Variants in SERPINA10 observed in about 807,000 individuals in gnomAD.
The protein encoded by SERPINA10 is serpin family A member 10.
In SERPINA10, 24 loss-of-function variants were observed where a neutral mutation model predicts 28.0. That is an observed-to-expected ratio of 0.86 (90% CI 0.62 to 1.20). The LOEUF (loss-of-function observed/expected upper bound fraction) is 1.20. SERPINA10 is among the 50% of genes most tolerant of loss of function. The probability of loss-of-function intolerance (pLI) is 0.00; values close to 1 mark genes in which losing one functional copy is unlikely to be tolerated. For missense variants in SERPINA10, 521 were observed against 537.7 expected, an observed-to-expected ratio of 0.97 and a Z score of 0.31; for synonymous variants, 207 against 203.9, an observed-to-expected ratio of 1.02 and a Z score of -0.13.
At chr14:94,292,987 C>G (rs963397288) in intron 1 of SERPINA10, 2 of 363,886 alleles carry the variant, frequency 5.5e-6, no homozygotes, top group Non-Finnish European at 1.0e-5. Flanking sequence ...TGCAGAGGAG[C>G]CCCTTGTGTC....
At chr14:94,288,028 C>G (rs1895065796) in intron 3 of SERPINA10, among the ~76,000 whole-genome samples, 1 of 152,120 alleles carries the variant, frequency 6.6e-6, no homozygotes, top group South Asian at 2.1e-4. Context: ...GTTTTGTTTG[C>G]TGATGGATCC....
intron 2 of SERPINA10, among the ~76,000 whole-genome samples, chr14:94,289,155 G>C (rs192326877): frequency 2.6e-5 from 4 of 152,158 alleles, no homozygotes; most frequent in East Asian, 1.9e-4. Flanking sequence ...TTCCCCTGCC[G>C]GGGCTTTGTA....
intron 4 of SERPINA10, 70 bp downstream of exon 4, chr14:94,286,038 G>C (rs1012039250): frequency 1.9e-6 from 3 of 1,570,186 alleles, no homozygotes; most frequent in Non-Finnish European, 1.8e-6. Context: ...AAGTTAAATG[G>C]TTTGTAAAAG....
rs538270502 is a variant in SERPINA10, at chr14:94,290,570, CAGG to C, written c.21_23del (p.Leu9del). ...ACACCTGTGCCAGGAGGACGGAGAG[CAGG>C]AGACTTGGCACCACCTTCATGTGAT... On this transcript the variant is annotated inframe_deletion, in exon 2 of 5. Transcript: ENST00000261994. 949 of 1,613,674 alleles carry C rather than the reference CAGG, an allele frequency of 5.9e-4. 8 individuals carry two copies. In the African/African-American group the frequency reaches 0.012, roughly 20 times the overall value.
At chr14:94,284,579 A>C (rs1894976389) in intron 4 of SERPINA10, among the ~76,000 whole-genome samples, 2 of 152,186 alleles carry the variant, frequency 1.3e-5, no homozygotes, top group Admixed American at 1.3e-4. Flanking sequence ...AGGTGGAGGC[A>C]GGGAATGGCT....
chr14:94,290,135 G>C lies in SERPINA10; in HGVS notation c.459C>G (p.Ser153=), dbSNP rs1333010050. The change falls in exon 2 of 5, where the codon TCC becomes TCG. Residue 153 remains serine (S), a synonymous_variant. Coordinates refer to ENST00000261994, the MANE Select transcript of SERPINA10 (RefSeq NM_001100607.3). ...GTGTGAGGCCCAGTTCCAGGTTGCGGGAGAGGGTCTCTCTGAGTCCCTTAA... is the reference window on the plus strand; with the variant it reads ...GTGTGAGGCCCAGTTCCAGGTTGCGCGAGAGGGTCTCTCTGAGTCCCTTAA... ...SLFKGLRETL[S]RNLELGLTQG... is the part of the protein sequence containing the mutation. 1 of 1,614,184 alleles carries C rather than the reference G, an allele frequency of 6.2e-7. No individual in the cohort carries two copies. Among genetic ancestry groups the C allele is most frequent in the Non-Finnish European group, 8.5e-7 (1 of 1,180,038 alleles).
rs1217580686 is a variant in SERPINA10, at chr14:94,280,860, TAA to T, written c.*3103_*3104del. 2 of 152,220 alleles carry T rather than the reference TAA, an allele frequency of 1.3e-5. No individual in the cohort carries two copies. The highest frequency in any genetic ancestry group is 2.1e-4 in the South Asian group (1 of 4,832). 9.4% of individuals were successfully genotyped at this position (152,220 alleles called of 1,614,324 possible). A position where few individuals can be genotyped will look rare whatever the true frequency, so the allele number is the denominator to read the frequency against. On this transcript the variant is annotated 3_prime_UTR_variant, in exon 5 of 5. Transcript: ENST00000261994. ...TAATAGAGGTTAAATAAGGAGCACA[TAA>T]AGTTTTTCTTTATAACCTCTTACAC...
Position 94,283,611 on chromosome 14 carries a change from C to T in SERPINA10, c.*354G>A, listed in dbSNP as rs1352070797. Reference sequence around the variant, plus strand: ...GTAGCCTTCTCTATAATCAGTTTGACTGTTATGGTATTGCAGTGCTTGCAT... The same window carrying T: ...GTAGCCTTCTCTATAATCAGTTTGATTGTTATGGTATTGCAGTGCTTGCAT... On this transcript the variant is annotated 3_prime_UTR_variant, in exon 5 of 5. Transcript: ENST00000261994. The T allele has an allele frequency of 1.9e-5, 6 of 317,216 alleles. No homozygotes were observed. Among genetic ancestry groups the T allele is most frequent in the African/African-American group, 1.3e-4 (6 of 46,344 alleles). 19.7% of individuals were successfully genotyped at this position (317,216 alleles called of 1,614,324 possible).
At chr14:94,286,454 A>G (rs966430828) in intron 3 of SERPINA10, among the ~76,000 whole-genome samples, 196 bp from the exon 4 acceptor site, 5 of 152,336 alleles carry the variant, frequency 3.3e-5, no homozygotes, top group African/African-American at 1.2e-4. Flanking sequence ...CTTCAGCTTC[A>G]GTGAATGAGT....
intron 2 of SERPINA10, 75 bp downstream of exon 2, chr14:94,289,801 T>C: frequency 2.1e-6 from 3 of 1,453,338 alleles, no homozygotes; most frequent in Non-Finnish European, 2.9e-6. Context: ...AATCATATGC[T>C]GGCCTAACGA....
rs149414832 is a variant in SERPINA10 at position 94,286,221 on chromosome 14, G to T, written c.1030C>A (p.Gln344Lys). 1.9e-6 allele frequency: 3 copies of T among 1,614,102 alleles called. No homozygotes were observed. Residue 344 changes from glutamine to lysine, a missense_variant, in exon 4 of 5, where the codon CAG (glutamine) becomes AAG (lysine). Coordinates refer to ENST00000261994, the MANE Select transcript of SERPINA10 (RefSeq NM_001100607.3). Reference sequence around the variant, plus strand: ...AGCAGCTCATGCATCTCATACTTCTGATCTAGCTTGAACTTCGGAAAGAAA... The same window carrying T: ...AGCAGCTCATGCATCTCATACTTCTTATCTAGCTTGAACTTCGGAAAGAAA... ...EVFFPKFKLD[Q>K]KYEMHELLRQ...
Position 94,290,180 on chromosome 14 carries a change from G to T in SERPINA10, c.414C>A (p.Pro138=). The T allele has an allele frequency of 6.2e-7, 1 of 1,613,828 alleles. No individual in the cohort carries two copies. Among genetic ancestry groups the T allele is most frequent in the African/African-American group, 1.3e-5 (1 of 74,950 alleles). ...LHLQALKPTK[P]GLLPSLFKGL... ...CCTTAAAGAGGGAAGGCAGGAGCCC[G>T]GGCTTGGTGGGCTTCAGGGCCTGCA... is the stretch of plus-strand genomic sequence containing the variant. The change falls in exon 2 of 5, where the codon CCC becomes CCA. Residue 138 remains proline, a synonymous_variant. Coordinates refer to ENST00000261994, the MANE Select transcript of SERPINA10 (RefSeq NM_001100607.3).
chr14:94,293,130 T>G, intron 1 of SERPINA10, 59 bp downstream of exon 1: 1 of 167,808 alleles, frequency 6.0e-6, no homozygotes, highest in Non-Finnish European at 1.3e-5. Context: ...GATACCATCC[T>G]TCCCGGTCCC....
At position 94,290,262 on chromosome 14, in the gene SERPINA10, C is replaced by A; in HGVS notation, c.332G>T (p.Gly111Val). The change falls in exon 2 of 5, where the codon GGC becomes GTC. Residue 111 changes from glycine (G) to valine (V), a missense_variant. Coordinates refer to ENST00000261994, the MANE Select transcript of SERPINA10 (RefSeq NM_001100607.3). ...CGGCCCTGTGGCCCCCAGCATCAAG[C>A]CTGTCATGGCCAAGGACATGCCAAA... is the stretch of plus-strand genomic sequence containing the variant. ...SPFGMSLAMT[G>V]LMLGATGPTE... 1 of 1,614,190 alleles carries A rather than the reference C, an allele frequency of 6.2e-7. No homozygotes were observed. The highest frequency in any genetic ancestry group is 8.5e-7 in the Non-Finnish European group (1 of 1,180,034).
intron 3 of SERPINA10, among the ~76,000 whole-genome samples, chr14:94,287,227 A>G (rs914782478): frequency 2.0e-5 from 3 of 152,160 alleles, no homozygotes; most frequent in African/African-American, 7.2e-5. Flanking sequence ...TGTCGTCTTG[A>G]CATCTCAACT....
chr14:94,281,843 C>A lies in SERPINA10; in HGVS notation c.*2122G>T, dbSNP rs913975090. 1 of 152,232 alleles carries A rather than the reference C, an allele frequency of 6.6e-6. No individual in the cohort carries two copies. Among genetic ancestry groups the A allele is most frequent in the African/African-American group, 2.4e-5 (1 of 41,506 alleles). The allele number at this position is 152,232 out of a possible 1,614,324, so 9.4% of individuals were successfully genotyped here. A position where few individuals can be genotyped will look rare whatever the true frequency, so the allele number is the denominator to read the frequency against. On this transcript the variant is annotated 3_prime_UTR_variant, in exon 5 of 5. Coordinates refer to ENST00000261994, the MANE Select transcript of SERPINA10 (RefSeq NM_001100607.3). ...TGTACCTTTTTATTACTGGGTTTGGCCATATTGATTTCAGTGAGTATTGTG... is the reference window on the plus strand; with the variant it reads ...TGTACCTTTTTATTACTGGGTTTGGACATATTGATTTCAGTGAGTATTGTG...
chr14:94,292,361 G>A (rs764754874), intron 1 of SERPINA10, among the ~76,000 whole-genome samples: 15 of 152,234 alleles, frequency 9.9e-5, no homozygotes, highest in Admixed American at 2.0e-4. Context: ...GGCCACGCTG[G>A]CACCCTGACT....
At chr14:94,284,348 A>G (rs1408724854) in intron 4 of SERPINA10, among the ~76,000 whole-genome samples, 192 bp from the exon 5 acceptor site, 1 of 152,220 alleles carries the variant, frequency 6.6e-6, no homozygotes, top group African/African-American at 2.4e-5. Context: ...GTCTTAAACA[A>G]TACCAGGAGA....
chr14:94,289,232 C>T (rs1895100465), intron 2 of SERPINA10, among the ~76,000 whole-genome samples: 1 of 152,194 alleles, frequency 6.6e-6, no homozygotes. Flanking sequence ...GGAGGCAGGG[C>T]TGGACAGAAC....
Sources: allele counts gnomAD v4.1 joint callset (sites outside exome capture counted in the v4.1 genomes callset), GRCh38; gene constraint gnomAD v4.1.1; transcripts MANE v1.5; gene names NCBI Gene and HGNC (gene_info 2026-07-23, HGNC 2026-07-21).